The following AFAP1 variants were observed in gnomAD, a reference collection of about 807,000 sequenced individuals.
AFAP1 encodes the protein actin filament-associated protein 1.
Under a neutral mutation model 93.9 loss-of-function variants are expected in AFAP1, and 75 were observed. The ratio of observed to expected loss-of-function variants is 0.80; its 90% CI spans 0.66 to 0.97. The LOEUF (loss-of-function observed/expected upper bound fraction) is 0.97, where lower values mean the gene tolerates loss of function less well. Among genes scored for constraint, AFAP1 ranks in the 50% least tolerant of loss-of-function variants. The probability of loss-of-function intolerance (pLI) is 0.00; values close to 1 mark genes in which losing one functional copy is unlikely to be tolerated. For missense variants in AFAP1, 1,201 were observed against 1,050.8 expected (o/e 1.14, Z -1.98); for synonymous variants, 517 against 430.7 (o/e 1.20, Z -2.48).
intron 1 of AFAP1, among the ~76,000 whole-genome samples, chr4:7,910,982 C>T (rs1291245410): frequency 6.6e-6 from 1 of 152,180 alleles, no homozygotes; most frequent in Admixed American, 6.5e-5. Context: ...CTTTTTTCAG[C>T]CCCTTGGCTG....
intron 16 of AFAP1, among the ~76,000 whole-genome samples, chr4:7,770,615 A>G (rs1189915169): frequency 6.6e-6 from 1 of 152,150 alleles, no homozygotes; most frequent in Non-Finnish European, 1.5e-5. Context: ...CAACTAGAGA[A>G]TCCTTAAATG....
intron 3 of AFAP1, among the ~76,000 whole-genome samples, chr4:7,867,732 G>C (rs1716584675): frequency 6.6e-6 from 1 of 152,142 alleles, no homozygotes; most frequent in Non-Finnish European, 1.5e-5. Context: ...AGTTGTGGGA[G>C]TTAATGAGTT....
At chr4:7,797,405 T>C (rs1465297454) in intron 10 of AFAP1, among the ~76,000 whole-genome samples, 2 of 152,188 alleles carry the variant, frequency 1.3e-5, no homozygotes, top group African/African-American at 4.8e-5. Flanking sequence ...ATTAACATCA[T>C]GAGCAGTGAG....
chr4:7,822,087 TTA>T (rs201369564), intron 6 of AFAP1, among the ~76,000 whole-genome samples: 39 of 142,926 alleles, frequency 2.7e-4, no homozygotes, highest in Middle Eastern at 3.6e-3. Context: ...CCTAAGGTGT[TTA>T]TTAAGTCTCC....
chr4:7,764,687 C>T (rs1293531755), intron 17 of AFAP1, among the ~76,000 whole-genome samples: 2 of 152,194 alleles, frequency 1.3e-5, no homozygotes, highest in African/African-American at 4.8e-5. Flanking sequence ...CTGTGGTCTA[C>T]GCAGTGCCAG....
At chr4:7,863,574 G>A (rs751353284) in intron 3 of AFAP1, among the ~76,000 whole-genome samples, 2 of 152,242 alleles carry the variant, frequency 1.3e-5, no homozygotes, top group East Asian at 1.9e-4. Flanking sequence ...CATCCCACAC[G>A]TGTGACTTCA....
At chr4:7,807,804 T>G (rs780060967) in intron 9 of AFAP1, among the ~76,000 whole-genome samples, 8 of 152,204 alleles carry the variant, frequency 5.3e-5, no homozygotes, top group Admixed American at 1.3e-4. Flanking sequence ...AGACTTTGCC[T>G]GTCCTCCCTT....
chr4:7,804,328 A>G (rs139471958), intron 9 of AFAP1, among the ~76,000 whole-genome samples: 1 of 152,322 alleles, frequency 6.6e-6, no homozygotes, highest in African/African-American at 2.4e-5. Flanking sequence ...TCCAGATAGA[A>G]CTGATTTTAT....
chr4:7,782,094 G>A (rs1215868713), intron 12 of AFAP1, among the ~76,000 whole-genome samples: 6 of 152,190 alleles, frequency 3.9e-5, no homozygotes, highest in African/African-American at 1.4e-4. Flanking sequence ...AAAGACACAC[G>A]AGGTCCTAGC....
chr4:7,909,230 G>A (rs2149224284), intron 1 of AFAP1, among the ~76,000 whole-genome samples: 1 of 152,298 alleles, frequency 6.6e-6, no homozygotes, highest in South Asian at 2.1e-4. Flanking sequence ...CCTGTTAGAT[G>A]ATGACCCCTT....
At chr4:7,880,336 G>C (rs2149195654) in intron 1 of AFAP1, among the ~76,000 whole-genome samples, 1 of 136,514 alleles carries the variant, frequency 7.3e-6, no homozygotes, top group East Asian at 2.4e-4. Flanking sequence ...CTGGAGTACA[G>C]TGGCATAATC....
intron 11 of AFAP1, among the ~76,000 whole-genome samples, chr4:7,787,594 C>A (rs1717421419): frequency 6.6e-6 from 1 of 152,170 alleles, no homozygotes; most frequent in Non-Finnish European, 1.5e-5. Context: ...CAGCTGGTGC[C>A]CACAGAAACC....
chr4:7,924,040 A>T (rs1325022633), intron 1 of AFAP1, among the ~76,000 whole-genome samples: 1 of 152,258 alleles, frequency 6.6e-6, no homozygotes, highest in Non-Finnish European at 1.5e-5. Context: ...CATTAAGGTC[A>T]ATTTAAAATG....
At chr4:7,811,123 C>T (rs539165706) in intron 8 of AFAP1, among the ~76,000 whole-genome samples, 16 of 152,322 alleles carry the variant, frequency 1.1e-4, no homozygotes, top group Middle Eastern at 3.4e-3. Context: ...GGGAGGCCGG[C>T]GAGGCGCTCG....
Position 7,768,829 on chromosome 4 carries a change from G to C in AFAP1, c.2418+15C>G, listed in dbSNP as rs1427701580. ...TGCCCAGGACACCCAGACACCCCCG[G>C]ACATCAGGGCTTACCTTGGCCTTCC... On this transcript the variant is annotated intron_variant, in intron 17 of 17. Coordinates refer to ENST00000420658, the MANE Select transcript of AFAP1 (RefSeq NM_001134647.2). 6.4e-7 allele frequency: 1 copy of C among 1,565,954 alleles called. No homozygotes were observed. The highest frequency in any genetic ancestry group is 8.7e-7 in the Non-Finnish European group (1 of 1,148,976).
intron 3 of AFAP1, 70 bp downstream of exon 3, chr4:7,868,552 G>C: frequency 7.2e-7 from 1 of 1,379,934 alleles, no homozygotes; most frequent in Non-Finnish European, 9.9e-7. Flanking sequence ...TTCCATCACA[G>C]GCCCCTGGAG....
intron 12 of AFAP1, 138 bp downstream of exon 12, chr4:7,786,051 AGAGAT>A: frequency 1.5e-6 from 1 of 688,944 alleles, no homozygotes; most frequent in Non-Finnish European, 2.5e-6. Context: ...CCAGGAGAAC[AGAGAT>A]GAGATGGAGT....
chr4:7,917,967 T>C (rs1720182034), intron 1 of AFAP1, among the ~76,000 whole-genome samples: 1 of 152,186 alleles, frequency 6.6e-6, no homozygotes, highest in Admixed American at 6.5e-5. Context: ...GACCACGGGA[T>C]AGATGGGACT....
At chr4:7,871,481 G>A (rs1361053045) in intron 2 of AFAP1, among the ~76,000 whole-genome samples, 1 of 152,224 alleles carries the variant, frequency 6.6e-6, no homozygotes, top group Non-Finnish European at 1.5e-5. Flanking sequence ...CACAGAGCTT[G>A]CTGCGTTTTT....
Sources: gnomAD v4.1 joint callset for allele counts (sites outside exome capture counted in the v4.1 genomes callset) on GRCh38, gnomAD v4.1.1 for gene constraint, MANE v1.5 for transcripts, NCBI Gene and HGNC (gene_info 2026-07-23, HGNC 2026-07-21) for gene names.